PCDHA1: variants seen among roughly 807,000 people sequenced by gnomAD.
The protein encoded by PCDHA1 is protocadherin alpha 1, also known as protocadherin alpha-1.
Under a neutral mutation model 61.3 loss-of-function variants are expected in PCDHA1, and 42 were observed. That is an observed-to-expected ratio of 0.69 (90% CI 0.54 to 0.89). PCDHA1 has a LOEUF of 0.89. Ranked by LOEUF, PCDHA1 falls within the 40% of genes least tolerant of loss-of-function variation. The pLI, the probability that PCDHA1 is intolerant of heterozygous loss-of-function variation, is 0.00. For missense variants in PCDHA1, 1,256 were observed against 1,235.3 expected, an observed-to-expected ratio of 1.02 and a Z score of -0.25; for synonymous variants, 610 against 553.8, an observed-to-expected ratio of 1.10 and a Z score of -1.43.
At chr5:140,941,406 T>C (rs1381146519) in intron 1 of PCDHA1, among the ~76,000 whole-genome samples, 1 of 146,240 alleles carries the variant, frequency 6.8e-6, no homozygotes, top group Non-Finnish European at 1.5e-5. Context: ...AACCTCCGCC[T>C]CCCGGGTTCA....
chr5:140,852,913 C>G, intron 1 of PCDHA1: 9 of 789,792 alleles, frequency 1.1e-5, no homozygotes, highest in Non-Finnish European at 1.4e-5. Flanking sequence ...GAGTCTCGCT[C>G]TGTTGCCCAG....
At chr5:140,836,234 T>C (rs1774307282) in intron 1 of PCDHA1, 1 of 1,613,668 alleles carries the variant, frequency 6.2e-7, no homozygotes, top group Admixed American at 1.7e-5. Flanking sequence ...TGGCGGCCGG[T>C]GCGAGCATCC....
chr5:140,952,913 A>G (rs1013502361), intron 1 of PCDHA1, among the ~76,000 whole-genome samples: 6 of 152,092 alleles, frequency 3.9e-5, no homozygotes, highest in African/African-American at 1.4e-4. Flanking sequence ...CTCATCTTAC[A>G]TGGCATGAGC....
intron 1 of PCDHA1, chr5:140,863,107 G>A (rs1554157777): frequency 1.7e-6 from 1 of 582,652 alleles, no homozygotes; most frequent in Admixed American, 1.9e-5. Flanking sequence ...TACCCTGGAC[G>A]AGGCGAAAGC....
chr5:140,950,107 A>G (rs1196740444), intron 1 of PCDHA1, among the ~76,000 whole-genome samples: 1 of 151,920 alleles, frequency 6.6e-6, no homozygotes, highest in Non-Finnish European at 1.5e-5. Context: ...ATTAAATCTC[A>G]TACAATACAA....
At chr5:140,912,443 G>T (rs1351780500) in intron 1 of PCDHA1, among the ~76,000 whole-genome samples, 3 of 151,748 alleles carry the variant, frequency 2.0e-5, no homozygotes, top group African/African-American at 7.3e-5. Flanking sequence ...TGATTTGTGT[G>T]CATTGATTTT....
intron 1 of PCDHA1, chr5:140,966,581 G>A: frequency 1.9e-6 from 1 of 535,414 alleles, no homozygotes; most frequent in Non-Finnish European, 3.0e-6. Flanking sequence ...AGTCAGCGAG[G>A]ACGGTGGGGC....
chr5:140,886,368 C>A (rs1174734883), intron 1 of PCDHA1, among the ~76,000 whole-genome samples: 1 of 152,040 alleles, frequency 6.6e-6, no homozygotes, highest in Non-Finnish European at 1.5e-5. Flanking sequence ...GGTGTACATG[C>A]CATGGTGTGC....
intron 1 of PCDHA1, chr5:140,817,656 T>G (rs1272936545): frequency 3.3e-5 from 5 of 152,208 alleles, no homozygotes; most frequent in African/African-American, 9.6e-5. Context: ...GTTACTGATA[T>G]GCCTTTCAAT....
chr5:140,802,900 C>T (rs758831845), intron 1 of PCDHA1: 2 of 1,613,790 alleles, frequency 1.2e-6, no homozygotes, highest in South Asian at 2.2e-5. Context: ...CTGCTGATGC[C>T]TCGGGTGGGT....
At chr5:140,871,709 C>A in intron 1 of PCDHA1, 6 of 829,698 alleles carry the variant, frequency 7.2e-6, no homozygotes, top group Non-Finnish European at 1.1e-5. Flanking sequence ...CAATAAATGT[C>A]CTATTTCTCT....
intron 1 of PCDHA1, chr5:140,828,303 G>A: frequency 1.2e-6 from 2 of 1,614,088 alleles, no homozygotes; most frequent in Non-Finnish European, 8.5e-7. Context: ...TCCAAAGACC[G>A]CGAGGACCTT....
intron 1 of PCDHA1, chr5:140,883,623 C>A: frequency 6.2e-7 from 1 of 1,613,988 alleles, no homozygotes; most frequent in Non-Finnish European, 8.5e-7. Context: ...AACGACAACG[C>A]GCCGGCGTTC....
At chr5:140,897,353 T>C (rs1363658526) in intron 1 of PCDHA1, among the ~76,000 whole-genome samples, 3 of 116,194 alleles carry the variant, frequency 2.6e-5, no homozygotes, top group Non-Finnish European at 4.9e-5. Flanking sequence ...CCCACAACTG[T>C]CCCCAGAGTG....
chr5:140,795,340 A>G (rs373905526), intron 1 of PCDHA1: 78 of 1,614,094 alleles, frequency 4.8e-5, no homozygotes, highest in Non-Finnish European at 6.6e-5. Flanking sequence ...GGTGAAGGAC[A>G]TTAACGACAA....
At chr5:140,809,830 GT>G in intron 1 of PCDHA1, 1 of 354,942 alleles carries the variant, frequency 2.8e-6, no homozygotes. Context: ...CACCCTCTTT[GT>G]TTTTGGTAAT....
At chr5:140,794,204 G>GTCACATGT (rs1489115832) in intron 1 of PCDHA1, among the ~76,000 whole-genome samples, 3 of 152,304 alleles carry the variant, frequency 2.0e-5, no homozygotes, top group African/African-American at 7.2e-5. Context: ...AAGAAGTCCT[G>GTCACATGT]TCACATGTTA....
chr5:140,828,105 CG>C (rs2150151018), intron 1 of PCDHA1: 1 of 1,610,250 alleles, frequency 6.2e-7, no homozygotes, highest in Non-Finnish European at 8.5e-7. Flanking sequence ...GTGTTTACCC[CG>C]GAGGATAGAT....
At chr5:140,951,545 G>T (rs1019007635) in intron 1 of PCDHA1, among the ~76,000 whole-genome samples, 2 of 151,950 alleles carry the variant, frequency 1.3e-5, no homozygotes, top group African/African-American at 4.8e-5. Flanking sequence ...GCAAGGGACG[G>T]GGGGAAGTGC....
Sources: allele counts gnomAD v4.1 joint callset (sites outside exome capture counted in the v4.1 genomes callset), GRCh38; gene constraint gnomAD v4.1.1; transcripts MANE v1.5; gene names NCBI Gene and HGNC (gene_info 2026-07-23, HGNC 2026-07-21).